MAPK10: variants seen among roughly 807,000 people sequenced by gnomAD.
The protein encoded by MAPK10 is mitogen-activated protein kinase 10, also known as JNK3 alpha protein kinase.
A neutral mutation model predicts 59.3 loss-of-function variants in MAPK10; 25 were observed. The observed-to-expected ratio is 0.42, with a 90% confidence interval of 0.31 to 0.59. MAPK10 has a LOEUF of 0.59. Ranked by LOEUF, MAPK10 falls within the 20% of genes least tolerant of loss-of-function variation. The pLI, the probability that MAPK10 is intolerant of heterozygous loss-of-function variation, is 0.15. For synonymous variants in MAPK10, 190 were observed against 200.5 expected (o/e 0.95, Z 0.44); for missense variants, 351 against 568.9 (o/e 0.62, Z 3.90).
At chr4:86,284,298 C>T (rs2094923662) in intron 2 of MAPK10, among the ~76,000 whole-genome samples, 1 of 152,198 alleles carries the variant, frequency 6.6e-6, no homozygotes, top group African/African-American at 2.4e-5. Flanking sequence ...TGCATTCTGG[C>T]AAGCCTGACT....
At chr4:86,048,494 A>G (rs1055629137) in intron 11 of MAPK10, among the ~76,000 whole-genome samples, 4 of 152,106 alleles carry the variant, frequency 2.6e-5, no homozygotes, top group Non-Finnish European at 5.9e-5. Flanking sequence ...AACACATCGA[A>G]CACAGATATT....
chr4:86,462,444 C>T (rs770254462), intron 1 of MAPK10, among the ~76,000 whole-genome samples: 6 of 152,066 alleles, frequency 3.9e-5, no homozygotes, highest in South Asian at 2.1e-4. Context: ...TAAGGCAAAG[C>T]GGCTTATTGG....
chr4:86,306,861 T>G (rs2095577397), intron 2 of MAPK10, among the ~76,000 whole-genome samples: 1 of 152,200 alleles, frequency 6.6e-6, no homozygotes, highest in African/African-American at 2.4e-5. Context: ...CAATAATAAT[T>G]ACTCTCCGTG....
At chr4:86,395,903 G>C (rs1490655748) in intron 1 of MAPK10, among the ~76,000 whole-genome samples, 16 of 152,150 alleles carry the variant, frequency 1.1e-4, no homozygotes, top group Admixed American at 1.0e-3. Flanking sequence ...TCTCCCAAGG[G>C]CCCTGCCTCC....
chr4:86,581,362 CTA>C (rs2149112500), intron 1 of MAPK10, among the ~76,000 whole-genome samples: 1 of 151,980 alleles, frequency 6.6e-6, no homozygotes, highest in South Asian at 2.1e-4. Context: ...AATTCAATAT[CTA>C]TTGAATAACT....
chr4:86,082,044 T>A (rs1288440894), intron 9 of MAPK10: 1 of 152,150 alleles, frequency 6.6e-6, no homozygotes, highest in Admixed American at 6.5e-5. Flanking sequence ...GTTAATTTTT[T>A]AAAAAGTGAG....
At chr4:86,151,602 T>C (rs1581382524) in intron 4 of MAPK10, among the ~76,000 whole-genome samples, 1 of 152,234 alleles carries the variant, frequency 6.6e-6, no homozygotes. Flanking sequence ...TGAGAGTGTC[T>C]GAAATCACTC....
intron 1 of MAPK10, among the ~76,000 whole-genome samples, chr4:86,546,582 A>G (rs1170924157): frequency 1.3e-5 from 2 of 151,748 alleles, no homozygotes; most frequent in African/African-American, 2.4e-5. Flanking sequence ...AGAAGAAAGA[A>G]TTTCAAGGTG....
intron 3 of MAPK10, among the ~76,000 whole-genome samples, chr4:86,169,455 A>C (rs2073244264): frequency 6.6e-6 from 1 of 152,246 alleles, no homozygotes; most frequent in African/African-American, 2.4e-5. Flanking sequence ...ACTGGAAGAA[A>C]GGATATCAGC....
chr4:86,505,417 C>A (rs1471364205), intron 1 of MAPK10, among the ~76,000 whole-genome samples: 1 of 151,970 alleles, frequency 6.6e-6, no homozygotes, highest in Non-Finnish European at 1.5e-5. Context: ...TCAAGACCAA[C>A]CTGGGCAACA....
intron 1 of MAPK10, among the ~76,000 whole-genome samples, chr4:86,515,782 C>A (rs546707782): frequency 5.9e-5 from 9 of 151,844 alleles, no homozygotes; most frequent in Non-Finnish European, 1.3e-4. Context: ...TCCTACTCTG[C>A]GGGTTGTCTG....
At chr4:86,255,373 T>A (rs2093662447) in intron 2 of MAPK10, among the ~76,000 whole-genome samples, 1 of 152,224 alleles carries the variant, frequency 6.6e-6, no homozygotes, top group Admixed American at 6.5e-5. Context: ...GACATCTCTC[T>A]CTCTGACTCT....
chr4:86,584,173 G>A (rs1041136053), intron 1 of MAPK10, among the ~76,000 whole-genome samples: 32 of 152,294 alleles, frequency 2.1e-4, no homozygotes, highest in Admixed American at 1.4e-3. Context: ...GTATGGCACA[G>A]TGGTGGCCTC....
At chr4:86,260,348 G>A (rs1486836286) in intron 2 of MAPK10, among the ~76,000 whole-genome samples, 1 of 152,046 alleles carries the variant, frequency 6.6e-6, no homozygotes, top group Non-Finnish European at 1.5e-5. Context: ...ACTATCAAAT[G>A]TAACATGTGG....
chr4:86,256,330 G>A (rs2093705129), intron 2 of MAPK10, among the ~76,000 whole-genome samples: 1 of 152,150 alleles, frequency 6.6e-6, no homozygotes, highest in East Asian at 1.9e-4. Context: ...CATTTTAATT[G>A]CCCACAGTCA....
At chr4:86,241,058 T>C (rs1330424057) in intron 2 of MAPK10, among the ~76,000 whole-genome samples, 2 of 152,224 alleles carry the variant, frequency 1.3e-5, no homozygotes, top group Non-Finnish European at 2.9e-5. Context: ...CAGCATTTTC[T>C]TGTCTGGAAA....
intron 11 of MAPK10, among the ~76,000 whole-genome samples, chr4:86,034,262 T>C (rs1472517584): frequency 6.6e-6 from 1 of 152,228 alleles, no homozygotes; most frequent in Non-Finnish European, 1.5e-5. Context: ...TCTTTCATAT[T>C]ATTTTGGAAG....
intron 1 of MAPK10, chr4:86,357,078 T>A (rs146229199): frequency 6.6e-6 from 1 of 152,294 alleles, no homozygotes; most frequent in East Asian, 1.9e-4. Context: ...GAAAGGGCAA[T>A]GAAGAAAGAA....
intron 1 of MAPK10, among the ~76,000 whole-genome samples, chr4:86,393,589 G>GT (rs1234216885): frequency 6.6e-6 from 1 of 152,038 alleles, no homozygotes; most frequent in Non-Finnish European, 1.5e-5. Flanking sequence ...AAACTACAAT[G>GT]TTTTTTCTGA....
Sources: allele counts gnomAD v4.1 joint callset (sites outside exome capture counted in the v4.1 genomes callset), GRCh38; gene constraint gnomAD v4.1.1; transcripts MANE v1.5; gene names NCBI Gene and HGNC (gene_info 2026-07-23, HGNC 2026-07-21).